The following BLTP3B variants were observed in gnomAD, a reference collection of about 807,000 sequenced individuals.
The protein encoded by BLTP3B is bridge-like lipid transfer protein family member 3B.
chr12:100,117,767 C>T, the BLTP3B span, among the ~76,000 whole-genome samples: 1 of 152,146 alleles, frequency 6.6e-6, no homozygotes, highest in Non-Finnish European at 1.5e-5. Flanking sequence ...TCCCAAAGTG[C>T]TGGGATTACA....
chr12:100,039,292 T>A, the BLTP3B span, among the ~76,000 whole-genome samples: 1 of 151,266 alleles, frequency 6.6e-6, no homozygotes, highest in Non-Finnish European at 1.5e-5. Flanking sequence ...TATGAAAAAA[T>A]TTTGTTAAAC....
At chr12:100,104,376 G>A in the BLTP3B span, among the ~76,000 whole-genome samples, 299 of 151,570 alleles carry the variant, frequency 2.0e-3, no homozygotes, top group African/African-American at 5.9e-3. Context: ...GCTAATTTTT[G>A]TATTTTTAGT....
chr12:100,056,871 C>A, the BLTP3B span, among the ~76,000 whole-genome samples: 5 of 151,864 alleles, frequency 3.3e-5, no homozygotes, highest in Non-Finnish European at 7.4e-5. Context: ...TCATATTTGC[C>A]TCTGGTATCC....
chr12:100,082,412 A>G, the BLTP3B span, among the ~76,000 whole-genome samples: 1 of 152,206 alleles, frequency 6.6e-6, no homozygotes, highest in South Asian at 2.1e-4. Flanking sequence ...TCACTTGCCT[A>G]TTTTTGTTTT....
chr12:100,037,364 C>T, the BLTP3B span: 4 of 1,078,808 alleles, frequency 3.7e-6, no homozygotes, highest in African/African-American at 1.7e-5. Context: ...TTTCATTAGG[C>T]ATGTAATTAT....
chr12:100,080,396 A>G, the BLTP3B span, among the ~76,000 whole-genome samples: 1 of 147,494 alleles, frequency 6.8e-6, no homozygotes, highest in Admixed American at 6.9e-5. Flanking sequence ...TCTGTTGCCC[A>G]GGCTGGAGCA....
chr12:100,120,480 C>T, the BLTP3B span, among the ~76,000 whole-genome samples: 3 of 152,108 alleles, frequency 2.0e-5, no homozygotes, highest in Admixed American at 2.0e-4. Flanking sequence ...AGATGCCCAA[C>T]ATTAGTCATT....
chr12:100,110,452 C>G, the BLTP3B span, among the ~76,000 whole-genome samples: 3 of 151,998 alleles, frequency 2.0e-5, no homozygotes, highest in Non-Finnish European at 4.4e-5. Context: ...AACAAAAAAC[C>G]CTGCCACTTC....
At chr12:100,108,935 G>C in the BLTP3B span, among the ~76,000 whole-genome samples, 1 of 152,102 alleles carries the variant, frequency 6.6e-6, no homozygotes, top group South Asian at 2.1e-4. Context: ...GGGGAGCAGG[G>C]GTGGGAATGG....
chr12:100,098,363 G>A, the BLTP3B span: 12 of 1,601,468 alleles, frequency 7.5e-6, no homozygotes, highest in Non-Finnish European at 1.0e-5. Flanking sequence ...TCTCCTCTCT[G>A]TGGATCCTGA....
At chr12:100,141,398 T>C in the BLTP3B span, among the ~76,000 whole-genome samples, 1 of 147,692 alleles carries the variant, frequency 6.8e-6, no homozygotes, top group East Asian at 2.0e-4. Flanking sequence ...TGTATGTGTA[T>C]ATATGTGTAT....
the BLTP3B span, chr12:100,058,327 C>T: frequency 1.9e-6 from 3 of 1,613,860 alleles, no homozygotes; most frequent in Non-Finnish European, 2.5e-6. Flanking sequence ...CTTTTGTAAA[C>T]AAGTCCACTA....
chr12:100,105,107 A>C, the BLTP3B span, among the ~76,000 whole-genome samples: 4 of 152,148 alleles, frequency 2.6e-5, no homozygotes, highest in South Asian at 2.1e-4. Context: ...CAAAGTACTA[A>C]CATCATTTTT....
chr12:100,134,849 C>T, the BLTP3B span, among the ~76,000 whole-genome samples: 117 of 152,216 alleles, frequency 7.7e-4, 1 homozygote, highest in Non-Finnish European at 1.2e-3. Flanking sequence ...GTCAATCCTG[C>T]CTTTACCTTC....
chr12:100,127,972 T>C, the BLTP3B span, among the ~76,000 whole-genome samples: 8 of 152,074 alleles, frequency 5.3e-5, no homozygotes, highest in Admixed American at 2.0e-4. Flanking sequence ...GTGACTGCAC[T>C]ACTGCACTCT....
At chr12:100,052,251 C>T in the BLTP3B span, among the ~76,000 whole-genome samples, 63 of 152,022 alleles carry the variant, frequency 4.1e-4, no homozygotes, top group African/African-American at 1.4e-3. Flanking sequence ...CTATGTTAGC[C>T]AGGGTGGTCT....
At chr12:100,088,324 A>G in the BLTP3B span, among the ~76,000 whole-genome samples, 1 of 152,176 alleles carries the variant, frequency 6.6e-6, no homozygotes, top group East Asian at 1.9e-4. Flanking sequence ...AGAGAAACAA[A>G]AACGCCCAGC....
At chr12:100,058,199 A>T in the BLTP3B span, 1 of 1,613,160 alleles carries the variant, frequency 6.2e-7, no homozygotes, top group Non-Finnish European at 8.5e-7. Context: ...TGTTTTGATT[A>T]CCATCACTAT....
At chr12:100,137,228 T>A in the BLTP3B span, among the ~76,000 whole-genome samples, 1 of 152,184 alleles carries the variant, frequency 6.6e-6, no homozygotes, top group African/African-American at 2.4e-5. Flanking sequence ...CTCCATTACT[T>A]TTCCACCTAG....
Sources: gnomAD v4.1 joint callset for allele counts (sites outside exome capture counted in the v4.1 genomes callset) on GRCh38, gnomAD v4.1.1 for gene constraint, MANE v1.5 for transcripts, NCBI Gene and HGNC (gene_info 2026-07-23, HGNC 2026-07-21) for gene names.